The following PCDHGB4 variants were observed in gnomAD, a reference collection of about 807,000 sequenced individuals.
The protein encoded by PCDHGB4 is protocadherin gamma subfamily B, 4.
A neutral mutation model predicts 60.5 loss-of-function variants in PCDHGB4; 38 were observed. That is an observed-to-expected ratio of 0.63 (90% CI 0.48 to 0.82). PCDHGB4 has a LOEUF of 0.82. Ranked by LOEUF, PCDHGB4 falls within the 40% of genes least tolerant of loss-of-function variation. PCDHGB4 has a pLI of 0.00. For synonymous variants in PCDHGB4, 456 were observed against 509.7 expected, an observed-to-expected ratio of 0.89 and a Z score of 1.42; for missense variants, 1,109 against 1,209.6, an observed-to-expected ratio of 0.92 and a Z score of 1.23.
chr5:141,399,346 GACCGAGAGCAA>G, intron 1 of PCDHGB4: 1 of 1,613,890 alleles, frequency 6.2e-7, no homozygotes, highest in Non-Finnish European at 8.5e-7. Flanking sequence ...TGGAACCCTA[GACCGAGAGCAA>G]ACCCCGGAGT....
Position 141,392,253 on chromosome 5 carries a change from T to C in PCDHGB4, c.2397+1972T>C, listed in dbSNP as rs1051019631. ...GTTCTTAGTTATTTGTTAGTATATATTGGAGACATTTACAATAAAGCTTAG... is the reference window on the plus strand; with the variant it reads ...GTTCTTAGTTATTTGTTAGTATATACTGGAGACATTTACAATAAAGCTTAG... On this transcript the variant is annotated intron_variant, in intron 1 of 3. Transcript: ENST00000519479. 3.9e-5 allele frequency: 6 copies of C among 152,218 alleles called. No individual in the cohort carries two copies. The South Asian group carries it at 6.2e-4, about 16-fold the overall frequency. The allele number at this position is 152,218 out of a possible 1,614,324, so 9.4% of individuals were successfully genotyped here. A position where few individuals can be genotyped will look rare whatever the true frequency, so the allele number is the denominator to read the frequency against.
At chr5:141,502,169 G>A (rs1366413076) in intron 2 of PCDHGB4, among the ~76,000 whole-genome samples, 1 of 152,110 alleles carries the variant, frequency 6.6e-6, no homozygotes, top group African/African-American at 2.4e-5. Flanking sequence ...ATTCAGTTGA[G>A]GAATTTAACA....
Position 141,431,500 on chromosome 5 carries a change from C to T in PCDHGB4, c.2397+41219C>T, listed in dbSNP as rs903027252. On this transcript the variant is annotated intron_variant, in intron 1 of 3. Transcript: ENST00000519479. This position sits in a 1 kb window ranked among gnomAD's most constrained non-coding sequence, Gnocchi z 4.8. ...CACCAGCGTTTGCTCAGCCCGAGTACCGCGCGAGCGTTCCGGAGAATCTGG... is the reference window on the plus strand; with the variant it reads ...CACCAGCGTTTGCTCAGCCCGAGTATCGCGCGAGCGTTCCGGAGAATCTGG... The T allele has an allele frequency of 4.4e-5, 71 of 1,613,894 alleles. No individual in the cohort carries two copies. The highest frequency in any genetic ancestry group is 5.9e-5 in the Non-Finnish European group (70 of 1,180,050).
rs1167791830 is a variant in PCDHGB4 at position 141,420,032 on chromosome 5, G to A, written c.2397+29751G>A. 6.2e-7 allele frequency: 1 copy of A among 1,613,956 alleles called. No individual in the cohort carries two copies. Among genetic ancestry groups the A allele is most frequent in the Non-Finnish European group, 8.5e-7 (1 of 1,179,920 alleles). ...ACAGTCTTTCAGCCCTACTGCAGGA[G>A]ACTGCTTTGAGTCAGTTCTCTGCTC... On this transcript the variant is annotated intron_variant, in intron 1 of 3. Coordinates refer to ENST00000519479, the MANE Select transcript of PCDHGB4 (RefSeq NM_003736.4).
chr5:141,504,937 G>A (rs1350441435), intron 2 of PCDHGB4, among the ~76,000 whole-genome samples: 2 of 152,054 alleles, frequency 1.3e-5, no homozygotes, highest in East Asian at 1.9e-4. Context: ...GGTGGGTGGG[G>A]GAATGCACTA....
chr5:141,421,854 C>CCTG (rs761444125), intron 1 of PCDHGB4: 2 of 1,613,762 alleles, frequency 1.2e-6, no homozygotes, highest in Non-Finnish European at 1.7e-6. Flanking sequence ...AGGCTGCTCA[C>CCTG]CTGCTCCTCC....
intron 1 of PCDHGB4, among the ~76,000 whole-genome samples, chr5:141,472,409 C>T (rs2099279484): frequency 6.6e-6 from 1 of 152,016 alleles, no homozygotes; most frequent in South Asian, 2.1e-4. Flanking sequence ...GGCGTGGTGG[C>T]ACGCACCTGT....
At chr5:141,407,978 A>T (rs1354199341) in intron 1 of PCDHGB4, 8 of 743,974 alleles carry the variant, frequency 1.1e-5, no homozygotes, top group Non-Finnish European at 1.4e-5. Flanking sequence ...GACGCCGGGG[A>T]TCCGTCAGCC....
intron 1 of PCDHGB4, among the ~76,000 whole-genome samples, chr5:141,447,744 T>G (rs1020767891): frequency 3.4e-4 from 51 of 152,206 alleles, no homozygotes; most frequent in African/African-American, 1.2e-3. Context: ...CTTAAGAGTC[T>G]TGCATGTGAC....
chr5:141,471,879 G>A (rs1027572395), intron 1 of PCDHGB4, among the ~76,000 whole-genome samples: 7 of 152,218 alleles, frequency 4.6e-5, no homozygotes, highest in African/African-American at 1.7e-4. Context: ...GCCTGAGGCT[G>A]AAGCTAGGAA....
At chr5:141,500,315 G>C (rs944076867) in intron 2 of PCDHGB4, among the ~76,000 whole-genome samples, 41 of 151,522 alleles carry the variant, frequency 2.7e-4, no homozygotes, top group African/African-American at 9.5e-4. Flanking sequence ...TTCACGCCAT[G>C]CTCCTGCCTC....
rs539719239 is a variant in PCDHGB4, at chr5:141,431,888, G to A, written c.2397+41607G>A. The A allele has an allele frequency of 6.2e-7, 1 of 1,614,200 alleles. No homozygotes were observed. The highest frequency in any genetic ancestry group is 1.7e-5 in the Admixed American group (1 of 60,036). On this transcript the variant is annotated intron_variant, in intron 1 of 3. Coordinates refer to ENST00000519479, the MANE Select transcript of PCDHGB4 (RefSeq NM_003736.4). The surrounding 1 kb of genome is among the most constrained non-coding windows in gnomAD (Gnocchi z 4.8). ...TTTAAATGTAAATGACCAAGATTCT[G>A]AGGAAAACGGACAGGTGATCTGTTT... is the stretch of plus-strand genomic sequence containing the variant.
At chr5:141,421,483 A>C in intron 1 of PCDHGB4, 4 of 1,614,128 alleles carry the variant, frequency 2.5e-6, no homozygotes, top group Non-Finnish European at 3.4e-6. Context: ...CGGCAGCTTG[A>C]TCACGGCAGG....
chr5:141,430,655 G>C (rs1309165721), intron 1 of PCDHGB4: 2 of 1,085,056 alleles, frequency 1.8e-6, no homozygotes, highest in Non-Finnish European at 2.6e-6. Flanking sequence ...TGGAAACAAC[G>C]GAGGAGCTCT....
rs2099404773 is a variant in PCDHGB4 at position 141,477,081 on chromosome 5, T to C, written c.2398-17726T>C. ...GACACCAAACTCCATGAGATTTACA[T>C]CCAGGCCAAAGACAAGGGCGCCAAT... On this transcript the variant is annotated intron_variant, in intron 1 of 3. Transcript: ENST00000519479. The surrounding 1 kb of genome is among the most constrained non-coding windows in gnomAD (Gnocchi z 4.9). 6.2e-7 allele frequency: 1 copy of C among 1,614,104 alleles called. No individual in the cohort carries two copies. Among genetic ancestry groups the C allele is most frequent in the Non-Finnish European group, 8.5e-7 (1 of 1,180,052 alleles).
Position 141,389,910 on chromosome 5 carries a change from C to T in PCDHGB4, c.2026C>T (p.Arg676Cys), listed in dbSNP as rs1417147488. ...LQEVLPDITD[R>C]PDPSDLQAEL... is the part of the protein sequence containing the mutation. ...GGAGGTGCTGCCGGATATCACTGACCGCCCCGACCCCTCTGACCTCCAGGC... is the reference window on the plus strand; with the variant it reads ...GGAGGTGCTGCCGGATATCACTGACTGCCCCGACCCCTCTGACCTCCAGGC... Residue 676 changes from arginine (R) to cysteine (C), a missense_variant, in exon 1 of 4, where the codon CGC (arginine) becomes TGC (cysteine). Physicochemically the swap from Arg to Cys is radical, Grantham distance 180. Coordinates refer to ENST00000519479, the MANE Select transcript of PCDHGB4 (RefSeq NM_003736.4). 1.3e-5 allele frequency: 21 copies of T among 1,614,080 alleles called. No homozygotes were observed. Among genetic ancestry groups the T allele is most frequent in the Non-Finnish European group, 1.7e-5 (20 of 1,179,906 alleles).
At chr5:141,434,323 T>G (rs578049856) in intron 1 of PCDHGB4, among the ~76,000 whole-genome samples, 1 of 152,358 alleles carries the variant, frequency 6.6e-6, no homozygotes, top group South Asian at 2.1e-4. Flanking sequence ...CTCTTGCTGC[T>G]TGTCTCTTTG....
At chr5:141,462,497 T>C (rs1333421053) in intron 1 of PCDHGB4, among the ~76,000 whole-genome samples, 1 of 152,244 alleles carries the variant, frequency 6.6e-6, no homozygotes, top group Non-Finnish European at 1.5e-5. Flanking sequence ...TATCCTATAA[T>C]TGTCAACTAG....
At position 141,477,226 on chromosome 5, in the gene PCDHGB4, C is replaced by G. The variant is rs779570150; in HGVS notation, c.2398-17581C>G. 59 of 1,614,076 alleles carry G rather than the reference C, an allele frequency of 3.7e-5. No homozygotes were observed. The highest frequency in any genetic ancestry group is 1.3e-4 in the Admixed American group (8 of 60,004). On this transcript the variant is annotated intron_variant, in intron 1 of 3. Coordinates refer to ENST00000519479, the MANE Select transcript of PCDHGB4 (RefSeq NM_003736.4). This position sits in a 1 kb window ranked among gnomAD's most constrained non-coding sequence, Gnocchi z 4.9. ...CCGAGGATGCCCCTCTGGGGACTGT[C>G]ATCGCTTTGCTCAGTGTGACTGACC...
Sources: gnomAD v4.1 joint callset for allele counts (sites outside exome capture counted in the v4.1 genomes callset) on GRCh38, gnomAD v4.1.1 for gene constraint, Gnocchi (gnomAD v3.1) non-coding constraint, MANE v1.5 for transcripts, NCBI Gene and HGNC (gene_info 2026-07-23, HGNC 2026-07-21) for gene names.